The following UNC5C variants were observed in gnomAD, a reference collection of about 807,000 sequenced individuals.
UNC5C encodes the protein netrin receptor UNC5C.
Under a neutral mutation model 99.8 loss-of-function variants are expected in UNC5C, and 47 were observed. That is an observed-to-expected ratio of 0.47 (90% CI 0.37 to 0.60). UNC5C has a LOEUF of 0.60. Ranked by LOEUF, UNC5C falls within the 20% of genes least tolerant of loss-of-function variation. The pLI, the probability that UNC5C is intolerant of heterozygous loss-of-function variation, is 0.00. For synonymous variants in UNC5C, 487 were observed against 452.2 expected (o/e 1.08, Z -0.98); for missense variants, 1,062 against 1,165.9 (o/e 0.91, Z 1.30).
At chr4:95,444,533 G>A (rs1747040202) in intron 1 of UNC5C, among the ~76,000 whole-genome samples, 1 of 151,910 alleles carries the variant, frequency 6.6e-6, no homozygotes, top group South Asian at 2.1e-4. Flanking sequence ...GGGTTTCACC[G>A]TGTTAGCCAG....
At chr4:95,179,967 A>ATGAT (rs776786862) in intron 14 of UNC5C, among the ~76,000 whole-genome samples, 126 of 151,420 alleles carry the variant, frequency 8.3e-4, no homozygotes, top group Middle Eastern at 6.8e-3. Flanking sequence ...ATTTTGATTG[A>ATGAT]TGATAGAAAG....
intron 14 of UNC5C, among the ~76,000 whole-genome samples, chr4:95,176,637 C>G (rs1009370487): frequency 6.6e-6 from 1 of 152,198 alleles, no homozygotes; most frequent in Non-Finnish European, 1.5e-5. Context: ...AACCACTGCT[C>G]TCTTCAAAGC....
intron 2 of UNC5C, among the ~76,000 whole-genome samples, chr4:95,302,112 T>C (rs1741904097): frequency 6.6e-6 from 1 of 152,186 alleles, no homozygotes; most frequent in Admixed American, 6.5e-5. Context: ...ATTATATAGT[T>C]GTGGGTAAAA....
intron 12 of UNC5C, among the ~76,000 whole-genome samples, chr4:95,201,618 T>G (rs1023978563): frequency 9.9e-5 from 15 of 151,966 alleles, no homozygotes; most frequent in Non-Finnish European, 1.8e-4. Flanking sequence ...TCTTTTTTTT[T>G]TTTCAGACAG....
intron 1 of UNC5C, among the ~76,000 whole-genome samples, chr4:95,455,813 C>T (rs1242451539): frequency 1.3e-5 from 2 of 152,054 alleles, no homozygotes; most frequent in Non-Finnish European, 2.9e-5. Flanking sequence ...TGACGTTCTA[C>T]ATAATTTGAC....
rs117640531 is a variant in UNC5C at position 95,267,809 on chromosome 4, A to C, written c.594+10450T>G. ...TAAATAACAATACAAAAAAAAAATC[A>C]TTTTTTCCCCATCAATCAGAATGCT... On this transcript the variant is annotated intron_variant, in intron 4 of 15. Coordinates refer to ENST00000453304, the MANE Select transcript of UNC5C (RefSeq NM_003728.4). 1.4e-3 allele frequency among the ~76,000 whole-genome samples: 220 copies of C among 151,882 alleles called. 2 individuals carry two copies. The East Asian group carries it at 0.031, about 22-fold the overall frequency.
chr4:95,412,808 G>A (rs112995874), intron 1 of UNC5C, among the ~76,000 whole-genome samples: 1 of 152,158 alleles, frequency 6.6e-6, no homozygotes, highest in Non-Finnish European at 1.5e-5. Context: ...GAAAGAATGG[G>A]AGAGCATACG....
At chr4:95,483,369 A>G (rs1261173485) in intron 1 of UNC5C, among the ~76,000 whole-genome samples, 1 of 151,764 alleles carries the variant, frequency 6.6e-6, no homozygotes, top group African/African-American at 2.4e-5. Flanking sequence ...TATTTTGTAA[A>G]TATTCACCCC....
At chr4:95,255,135 A>G (rs560493867) in intron 4 of UNC5C, among the ~76,000 whole-genome samples, 58 of 152,108 alleles carry the variant, frequency 3.8e-4, no homozygotes, top group Admixed American at 1.2e-3. Flanking sequence ...GCCCACCACC[A>G]TGCCAGGCTA....
At chr4:95,348,047 T>G (rs941615189) in intron 1 of UNC5C, among the ~76,000 whole-genome samples, 1 of 151,870 alleles carries the variant, frequency 6.6e-6, no homozygotes, top group African/African-American at 2.4e-5. Flanking sequence ...GATAGGGAGC[T>G]CAAACTGTAC....
chr4:95,207,091 TACAG>T (rs1454718321), intron 10 of UNC5C, among the ~76,000 whole-genome samples: 1 of 152,134 alleles, frequency 6.6e-6, no homozygotes, highest in East Asian at 1.9e-4. Context: ...CAAATTTATG[TACAG>T]ACACTTTCAA....
intron 1 of UNC5C, among the ~76,000 whole-genome samples, chr4:95,510,720 C>T (rs1471303840): frequency 2.6e-5 from 4 of 152,042 alleles, no homozygotes; most frequent in Non-Finnish European, 5.9e-5. Flanking sequence ...ACATCTCTGA[C>T]ACTGAAAATC....
intron 12 of UNC5C, among the ~76,000 whole-genome samples, chr4:95,190,476 ACTT>A (rs1737034955): frequency 6.6e-6 from 1 of 152,116 alleles, no homozygotes; most frequent in Non-Finnish European, 1.5e-5. Flanking sequence ...GTACCCGAGA[ACTT>A]AAAGTAGAAT....
At chr4:95,279,353 G>A (rs1348734874) in intron 3 of UNC5C, among the ~76,000 whole-genome samples, 1 of 152,194 alleles carries the variant, frequency 6.6e-6, no homozygotes, top group Non-Finnish European at 1.5e-5. Flanking sequence ...TGATACAGGA[G>A]TATGCAGCTG....
chr4:95,278,671 A>G lies in UNC5C; in HGVS notation c.491-309T>C, dbSNP rs560947733. On this transcript the variant is annotated intron_variant, in intron 3 of 15. Transcript: ENST00000453304. ...TTAAAAAAATTTTTTGTAGAGATAG[A>G]GTCTCACTATGTTTCCCAGGCTGGT... Among the ~76,000 whole-genome samples, 4 of 151,798 alleles carry G rather than the reference A, an allele frequency of 2.6e-5. No homozygotes were observed. In the South Asian group the frequency reaches 8.3e-4, roughly 32 times the overall value.
At chr4:95,407,818 A>G (rs527363360) in intron 1 of UNC5C, among the ~76,000 whole-genome samples, 2 of 152,276 alleles carry the variant, frequency 1.3e-5, no homozygotes, top group Admixed American at 1.3e-4. Context: ...AGGAGAGGGG[A>G]GCATATGGAA....
chr4:95,529,565 A>G (rs1210710869), intron 1 of UNC5C, among the ~76,000 whole-genome samples: 1 of 151,684 alleles, frequency 6.6e-6, no homozygotes, highest in Non-Finnish European at 1.5e-5. Context: ...ATCTCTACAA[A>G]AAACTAAAAA....
intron 1 of UNC5C, among the ~76,000 whole-genome samples, chr4:95,546,741 C>T (rs78241751): frequency 0.019 from 2,966 of 152,222 alleles, 106 homozygotes; most frequent in African/African-American, 0.066. Context: ...TTTTTAATCT[C>T]TTCTCCCTTC....
At chr4:95,234,167 T>C (rs1739013994) in intron 7 of UNC5C, among the ~76,000 whole-genome samples, 3 of 152,126 alleles carry the variant, frequency 2.0e-5, no homozygotes, top group African/African-American at 7.2e-5. Flanking sequence ...AAATATATTG[T>C]AAAATGTGGG....
Sources: allele counts gnomAD v4.1 joint callset (sites outside exome capture counted in the v4.1 genomes callset), GRCh38; gene constraint gnomAD v4.1.1; transcripts MANE v1.5; gene names NCBI Gene and HGNC (gene_info 2026-07-23, HGNC 2026-07-21).